GRIK2: variants seen among roughly 807,000 people sequenced by gnomAD.
GRIK2 encodes glutamate ionotropic receptor kainate type subunit 2.
Under a neutral mutation model 100.3 loss-of-function variants are expected in GRIK2, and 32 were observed. That is an observed-to-expected ratio of 0.32 (90% CI 0.24 to 0.43). The LOEUF is 0.43. GRIK2 is among the 20% of genes least tolerant of loss of function. GRIK2 has a pLI of 1.00. For missense variants in GRIK2, 843 were observed against 1,114.9 expected, an observed-to-expected ratio of 0.76 and a Z score of 3.47; for synonymous variants, 417 against 389.4, an observed-to-expected ratio of 1.07 and a Z score of -0.83.
At chr6:101,754,487 C>A (rs1776999796) in intron 7 of GRIK2, among the ~76,000 whole-genome samples, 1 of 152,166 alleles carries the variant, frequency 6.6e-6, no homozygotes. Flanking sequence ...CAATTATCTA[C>A]TTAATATTTT....
chr6:101,887,177 G>T (rs1582459855), intron 11 of GRIK2, among the ~76,000 whole-genome samples: 1 of 152,006 alleles, frequency 6.6e-6, no homozygotes, highest in African/African-American at 2.4e-5. Context: ...TATATAAGAA[G>T]AGAGTGGATG....
At chr6:101,700,266 T>A (rs1017332907) in intron 7 of GRIK2, among the ~76,000 whole-genome samples, 3 of 151,970 alleles carry the variant, frequency 2.0e-5, no homozygotes, top group Non-Finnish European at 2.9e-5. Context: ...TATTTTAGCA[T>A]CACTAAGTAC....
At chr6:101,948,424 G>T (rs2852598) in intron 14 of GRIK2, among the ~76,000 whole-genome samples, 1 of 144,742 alleles carries the variant, frequency 6.9e-6, no homozygotes, top group Non-Finnish European at 1.5e-5. Flanking sequence ...CCATTTTAAC[G>T]TGTGATCAGT....
chr6:102,019,813 T>G (rs1005983892), intron 14 of GRIK2, among the ~76,000 whole-genome samples: 2 of 152,022 alleles, frequency 1.3e-5, no homozygotes, highest in Admixed American at 1.3e-4. Flanking sequence ...TATCCCTTTT[T>G]AAATTAACCA....
chr6:101,443,705 A>G (rs997959255), intron 2 of GRIK2, among the ~76,000 whole-genome samples: 2 of 152,006 alleles, frequency 1.3e-5, no homozygotes, highest in African/African-American at 4.8e-5. Context: ...TATATTTGGG[A>G]GATTCTGAAC....
chr6:101,718,870 T>G (rs1366547826), intron 7 of GRIK2, among the ~76,000 whole-genome samples: 1 of 151,968 alleles, frequency 6.6e-6, no homozygotes, highest in Non-Finnish European at 1.5e-5. Context: ...ATGCTCTGAA[T>G]AGTCATCACT....
At chr6:101,574,545 G>A (rs957596263) in intron 2 of GRIK2, among the ~76,000 whole-genome samples, 10 of 146,632 alleles carry the variant, frequency 6.8e-5, no homozygotes, top group Non-Finnish European at 8.9e-5. Context: ...ATATACCATG[G>A]CAAAAAAATT....
At chr6:101,791,895 AT>A (rs1226179464) in intron 7 of GRIK2, among the ~76,000 whole-genome samples, 2 of 151,848 alleles carry the variant, frequency 1.3e-5, no homozygotes, top group African/African-American at 4.9e-5. Flanking sequence ...GTGCTCCTGT[AT>A]TGGGTGCATA....
chr6:101,500,068 A>G (rs1473666400), intron 2 of GRIK2, among the ~76,000 whole-genome samples: 1 of 152,136 alleles, frequency 6.6e-6, no homozygotes, highest in Non-Finnish European at 1.5e-5. Flanking sequence ...ATATGGATAT[A>G]AGAACTTGAA....
At chr6:101,636,237 AAACT>A (rs1169960926) in intron 4 of GRIK2, among the ~76,000 whole-genome samples, 1 of 152,192 alleles carries the variant, frequency 6.6e-6, no homozygotes, top group Non-Finnish European at 1.5e-5. Flanking sequence ...CATTCTCAGC[AAACT>A]AACACAAGAA....
chr6:101,658,309 T>C (rs1769350840), intron 4 of GRIK2, among the ~76,000 whole-genome samples: 1 of 152,236 alleles, frequency 6.6e-6, no homozygotes, highest in Non-Finnish European at 1.5e-5. Flanking sequence ...CAGTGTTTGG[T>C]ATTCTGTTCT....
At chr6:101,741,167 A>G (rs900498673) in intron 7 of GRIK2, among the ~76,000 whole-genome samples, 1 of 152,366 alleles carries the variant, frequency 6.6e-6, no homozygotes, top group Non-Finnish European at 1.5e-5. Flanking sequence ...CCTTGACTGT[A>G]TAATTTGGAC....
At chr6:101,694,973 T>C (rs911243197) in intron 7 of GRIK2, among the ~76,000 whole-genome samples, 2 of 149,626 alleles carry the variant, frequency 1.3e-5, no homozygotes, top group Non-Finnish European at 3.0e-5. Context: ...TTTATATAAA[T>C]ATAAATAATA....
chr6:101,669,206 A>C (rs1770246294), intron 4 of GRIK2, among the ~76,000 whole-genome samples: 1 of 152,162 alleles, frequency 6.6e-6, no homozygotes, highest in African/African-American at 2.4e-5. Flanking sequence ...TTTAATTAAA[A>C]GGCTGTTTTA....
At chr6:101,655,277 G>A (rs745730601) in intron 4 of GRIK2, among the ~76,000 whole-genome samples, 1 of 152,134 alleles carries the variant, frequency 6.6e-6, no homozygotes, top group Non-Finnish European at 1.5e-5. Context: ...TTCTGGTGGA[G>A]TAAGAATTTT....
chr6:102,007,227 A>G (rs186946027), intron 14 of GRIK2, among the ~76,000 whole-genome samples: 3 of 152,270 alleles, frequency 2.0e-5, no homozygotes, highest in African/African-American at 7.2e-5. Context: ...TGTTTTGTGC[A>G]GAGTGAGAAG....
chr6:101,796,011 T>C (rs1343702807), intron 7 of GRIK2, among the ~76,000 whole-genome samples: 3 of 152,240 alleles, frequency 2.0e-5, no homozygotes, highest in African/African-American at 7.2e-5. Context: ...CAAGTGCTTG[T>C]TGACATTTGT....
chr6:101,495,658 G>A (rs13218358), intron 2 of GRIK2, among the ~76,000 whole-genome samples: 21,757 of 152,078 alleles, frequency 0.14, 1,665 homozygotes, highest in Middle Eastern at 0.21. Context: ...ATATCTTAAT[G>A]TGGAATTACT....
intron 2 of GRIK2, among the ~76,000 whole-genome samples, chr6:101,420,402 C>G (rs1336406033): frequency 6.6e-6 from 1 of 152,116 alleles, no homozygotes; most frequent in Admixed American, 6.6e-5. Flanking sequence ...TGAGGTTGAA[C>G]CATATGAAAT....
Sources: allele counts gnomAD v4.1 joint callset (sites outside exome capture counted in the v4.1 genomes callset), GRCh38; gene constraint gnomAD v4.1.1; transcripts MANE v1.5; gene names NCBI Gene and HGNC (gene_info 2026-07-23, HGNC 2026-07-21).